CDK8: variants seen among roughly 807,000 people sequenced by gnomAD.
CDK8 encodes the protein cyclin-dependent kinase 8.
Under a neutral mutation model 71.5 loss-of-function variants are expected in CDK8, and 29 were observed. That is an observed-to-expected ratio of 0.41 (90% CI 0.30 to 0.55). CDK8 has a LOEUF of 0.55. CDK8 is among the 20% of genes least tolerant of loss of function. The pLI is 0.37. For missense variants in CDK8, 288 were observed against 572.6 expected, an observed-to-expected ratio of 0.50 and a Z score of 5.07; for synonymous variants, 161 against 192.1, an observed-to-expected ratio of 0.84 and a Z score of 1.34.
intron 1 of CDK8, among the ~76,000 whole-genome samples, chr13:26,315,536 C>G (rs891536231): frequency 2.0e-5 from 3 of 152,066 alleles, no homozygotes; most frequent in Non-Finnish European, 4.4e-5. Context: ...ATTACTTTAT[C>G]CATTTATGGC....
chr13:26,315,929 G>A (rs1173474517), intron 1 of CDK8, among the ~76,000 whole-genome samples: 2 of 152,214 alleles, frequency 1.3e-5, no homozygotes, highest in African/African-American at 2.4e-5. Context: ...CCTGGAGTCT[G>A]TTGAAGGCTT....
chr13:26,277,528 G>A (rs1041233377), intron 1 of CDK8, among the ~76,000 whole-genome samples: 3 of 152,300 alleles, frequency 2.0e-5, no homozygotes, highest in Non-Finnish European at 4.4e-5. Context: ...ACTAGAGCAG[G>A]TTTGGAGAAA....
Position 26,375,930 on chromosome 13 carries a change from G to A in CDK8, c.457-6884G>A, listed in dbSNP as rs532180320. Among the ~76,000 whole-genome samples the A allele has an allele frequency of 2.6e-5, 4 of 152,312 alleles. No homozygotes were observed. In the East Asian group the frequency reaches 7.7e-4, roughly 29 times the overall value. On this transcript the variant is annotated intron_variant, in intron 4 of 12. Transcript: ENST00000381527. ...CAGGGCTTTGGGGGATGGGCGAGGAGCATAATTTTACACTGGCAATGGGAA... is the reference window on the plus strand; with the variant it reads ...CAGGGCTTTGGGGGATGGGCGAGGAACATAATTTTACACTGGCAATGGGAA...
At chr13:26,331,063 G>A (rs1875293666) in intron 1 of CDK8, among the ~76,000 whole-genome samples, 1 of 152,150 alleles carries the variant, frequency 6.6e-6, no homozygotes, top group Admixed American at 6.5e-5. Flanking sequence ...CAGCCACCAT[G>A]TGTAAGAGGA....
At chr13:26,289,265 G>A (rs1009057617) in intron 1 of CDK8, among the ~76,000 whole-genome samples, 1 of 151,598 alleles carries the variant, frequency 6.6e-6, no homozygotes, top group Non-Finnish European at 1.5e-5. Context: ...ATGTTGGCCA[G>A]GATGGTCTCA....
intron 4 of CDK8, among the ~76,000 whole-genome samples, chr13:26,366,233 A>C (rs1874381938): frequency 6.6e-6 from 1 of 152,140 alleles, no homozygotes; most frequent in South Asian, 2.1e-4. Flanking sequence ...ATACAAGCAA[A>C]TGATAAATGG....
chr13:26,352,211 G>GT (rs1469810501), intron 3 of CDK8, among the ~76,000 whole-genome samples: 7 of 149,572 alleles, frequency 4.7e-5, no homozygotes, highest in African/African-American at 4.9e-5. Flanking sequence ...TCTTCTTCTT[G>GT]TTTTTTTTGT....
chr13:26,376,975 A>G (rs1874983621), intron 4 of CDK8, among the ~76,000 whole-genome samples: 1 of 152,270 alleles, frequency 6.6e-6, no homozygotes, highest in Non-Finnish European at 1.5e-5. Flanking sequence ...TTAGAGAAAA[A>G]TAAGAGGGAA....
At chr13:26,258,130 G>A (rs1453537071) in intron 1 of CDK8, among the ~76,000 whole-genome samples, 3 of 152,114 alleles carry the variant, frequency 2.0e-5, no homozygotes, top group Admixed American at 1.3e-4. Flanking sequence ...TTTTCCAGTT[G>A]AGGAAACTGA....
At chr13:26,344,422 A>G (rs1255844442) in intron 2 of CDK8, among the ~76,000 whole-genome samples, 1 of 152,182 alleles carries the variant, frequency 6.6e-6, no homozygotes, top group Non-Finnish European at 1.5e-5. Flanking sequence ...GGTCAGGATC[A>G]TGAATATCAT....
chr13:26,338,297 C>T (rs1593273112), intron 2 of CDK8, among the ~76,000 whole-genome samples: 1 of 152,044 alleles, frequency 6.6e-6, no homozygotes, highest in African/African-American at 2.4e-5. Context: ...ATATTATAAT[C>T]TTTGCTTTTG....
At chr13:26,375,060 T>G (rs972737146) in intron 4 of CDK8, among the ~76,000 whole-genome samples, 6 of 152,138 alleles carry the variant, frequency 3.9e-5, no homozygotes, top group Non-Finnish European at 7.4e-5. Flanking sequence ...TTGTAAAGAT[T>G]CTATCAGAAG....
At chr13:26,339,610 A>T (rs1317305409) in intron 2 of CDK8, among the ~76,000 whole-genome samples, 2 of 147,958 alleles carry the variant, frequency 1.4e-5, no homozygotes, top group Non-Finnish European at 3.0e-5. Context: ...TTTTTTTTTA[A>T]AAAGCTTGTT....
At chr13:26,256,300 T>TAA (rs746078113) in intron 1 of CDK8, among the ~76,000 whole-genome samples, 2 of 152,104 alleles carry the variant, frequency 1.3e-5, no homozygotes, top group African/African-American at 2.4e-5. Context: ...CATATATTTT[T>TAA]AAAATTATGT....
At chr13:26,298,864 G>A (rs1873685703) in intron 1 of CDK8, among the ~76,000 whole-genome samples, 1 of 152,118 alleles carries the variant, frequency 6.6e-6, no homozygotes, top group African/African-American at 2.4e-5. Flanking sequence ...AGGGTATACA[G>A]TTTTATGCAA....
chr13:26,254,454 C>T lies in CDK8; in HGVS notation c.-188C>T, dbSNP rs527787537. On this transcript the variant is annotated 5_prime_UTR_variant, in exon 1 of 13. Transcript: ENST00000381527. This position sits in a 1 kb window ranked among gnomAD's most constrained non-coding sequence, Gnocchi z 6.7. ...CCCCGGCCGGCCTCTGCCCCGCCGTCCCCCTGGATGTCCCTGGCGCTTTCG... is the reference window on the plus strand; with the variant it reads ...CCCCGGCCGGCCTCTGCCCCGCCGTTCCCCTGGATGTCCCTGGCGCTTTCG... 2.1e-6 allele frequency: 1 copy of T among 467,704 alleles called. No individual in the cohort carries two copies. The highest frequency in any genetic ancestry group is 3.8e-6 in the Non-Finnish European group (1 of 262,562). The allele number at this position is 467,704 out of a possible 1,614,324, so 29.0% of individuals were successfully genotyped here.
intron 1 of CDK8, among the ~76,000 whole-genome samples, chr13:26,265,629 A>G (rs1395713725): frequency 6.6e-6 from 1 of 152,174 alleles, no homozygotes; most frequent in Non-Finnish European, 1.5e-5. Flanking sequence ...CTTGTGTATT[A>G]TGGGGGGAAG....
rs557238780 is a variant in CDK8 at position 26,332,904 on chromosome 13, A to G, written c.129-4663A>G. Among the ~76,000 whole-genome samples, 20 of 152,302 alleles carry G rather than the reference A, an allele frequency of 1.3e-4. No individual in the cohort carries two copies. In the South Asian group the frequency reaches 4.1e-3, roughly 32 times the overall value. ...TCTCTAGTGCTTAGAACACTATTTG[A>G]GCACCTCTCATCCAAAAGTCAGAAA... On this transcript the variant is annotated intron_variant, in intron 1 of 12. Transcript: ENST00000381527.
chr13:26,299,170 T>A (rs904106027), intron 1 of CDK8, among the ~76,000 whole-genome samples: 1 of 152,218 alleles, frequency 6.6e-6, no homozygotes, highest in African/African-American at 2.4e-5. Context: ...TTAGAATTGT[T>A]ACTTCCTTAG....
Sources: gnomAD v4.1 joint callset for allele counts (sites outside exome capture counted in the v4.1 genomes callset) on GRCh38, gnomAD v4.1.1 for gene constraint, Gnocchi (gnomAD v3.1) non-coding constraint, MANE v1.5 for transcripts, NCBI Gene and HGNC (gene_info 2026-07-23, HGNC 2026-07-21) for gene names.